Variants in ATP8A2 observed in about 807,000 individuals in gnomAD.
ATP8A2 encodes phospholipid-transporting ATPase IB.
Under a neutral mutation model 165.6 loss-of-function variants are expected in ATP8A2, and 100 were observed. That is an observed-to-expected ratio of 0.60 (90% CI 0.51 to 0.71). The LOEUF is 0.71. ATP8A2 is among the 30% of genes least tolerant of loss of function. The pLI is 0.00. For synonymous variants in ATP8A2, 543 were observed against 548.8 expected (o/e 0.99, Z 0.15); for missense variants, 1,227 against 1,479.5 (o/e 0.83, Z 2.80).
chr13:25,782,443 G>C (rs1198568650), intron 27 of ATP8A2, among the ~76,000 whole-genome samples: 1 of 152,182 alleles, frequency 6.6e-6, no homozygotes, highest in Non-Finnish European at 1.5e-5. Context: ...CAGGCAGAAT[G>C]CTGAGACTGA....
intron 25 of ATP8A2, among the ~76,000 whole-genome samples, chr13:25,731,297 A>AGAAAG (rs1555256723): frequency 1.3e-5 from 2 of 149,978 alleles, no homozygotes; most frequent in Admixed American, 6.6e-5. Context: ...AGAGAGAGAG[A>AGAAAG]AAGAAAGAAA....
At chr13:25,580,063 T>TAATGAACC (rs1262277099) in intron 22 of ATP8A2, 116 bp downstream of exon 22, 18 of 1,185,448 alleles carry the variant, frequency 1.5e-5, no homozygotes, top group Non-Finnish European at 2.1e-5. Context: ...TCTTGTGTCT[T>TAATGAACC]AATGAACCGT....
chr13:25,898,302 G>T (rs1035763864), intron 33 of ATP8A2, among the ~76,000 whole-genome samples: 7 of 152,206 alleles, frequency 4.6e-5, no homozygotes, highest in Non-Finnish European at 8.8e-5. Context: ...TCCAGACCCT[G>T]TTTGCCTACG....
intron 24 of ATP8A2, among the ~76,000 whole-genome samples, chr13:25,627,013 C>T (rs570642184): frequency 4.6e-5 from 7 of 152,142 alleles, no homozygotes; most frequent in Non-Finnish European, 7.4e-5. Flanking sequence ...TCCCACAACA[C>T]GTGGGAATTA....
intron 23 of ATP8A2, among the ~76,000 whole-genome samples, chr13:25,588,913 G>A (rs940457392): frequency 3.9e-5 from 6 of 152,052 alleles, no homozygotes; most frequent in Non-Finnish European, 7.4e-5. Flanking sequence ...CCTGAGAGGC[G>A]CTCGGCTTGG....
At chr13:26,015,627 A>C (rs1956952461) in intron 36 of ATP8A2, among the ~76,000 whole-genome samples, 1 of 152,196 alleles carries the variant, frequency 6.6e-6, no homozygotes, top group Admixed American at 6.5e-5. Flanking sequence ...GGATTTCACC[A>C]AATGTTCTAC....
intron 27 of ATP8A2, among the ~76,000 whole-genome samples, chr13:25,810,174 T>G (rs964433376): frequency 6.6e-6 from 1 of 152,242 alleles, no homozygotes; most frequent in African/African-American, 2.4e-5. Flanking sequence ...AAGCACTCTC[T>G]CTGAACGAGG....
chr13:25,563,050 A>G (rs1341359395), intron 15 of ATP8A2, among the ~76,000 whole-genome samples: 2 of 152,192 alleles, frequency 1.3e-5, no homozygotes, highest in Admixed American at 6.5e-5. Flanking sequence ...ACGTATTTCA[A>G]GTTAAGACTA....
At chr13:25,435,953 G>GTGTGTGTA (rs1491208527) in intron 1 of ATP8A2, among the ~76,000 whole-genome samples, 4 of 59,936 alleles carry the variant, frequency 6.7e-5, no homozygotes, top group African/African-American at 1.1e-4. Flanking sequence ...GTGTGTGTGA[G>GTGTGTGTA]TGTGTGTGTG....
At chr13:25,764,965 T>A (rs925223156) in intron 25 of ATP8A2, among the ~76,000 whole-genome samples, 2 of 152,176 alleles carry the variant, frequency 1.3e-5, no homozygotes, top group Non-Finnish European at 2.9e-5. Flanking sequence ...AAGATCAGAA[T>A]CAGAAACTCT....
At chr13:25,489,806 ATGT>A (rs1232421612) in intron 2 of ATP8A2, among the ~76,000 whole-genome samples, 1 of 152,178 alleles carries the variant, frequency 6.6e-6, no homozygotes, top group Non-Finnish European at 1.5e-5. Context: ...TGTAGTGTTG[ATGT>A]TGTACTTTCA....
rs1210209425 is a variant in ATP8A2, at chr13:25,953,148, T to C, written c.3184-8427T>C. On this transcript the variant is annotated intron_variant, in intron 33 of 36. Transcript: ENST00000381655. This position sits in a 1 kb window ranked among gnomAD's most constrained non-coding sequence, Gnocchi z 6.7. ...GTTGTCGATGCTGGGTGGGAATGGATTGGAAAAATTGTCCCCTCCTGTGTT... is the reference window on the plus strand; with the variant it reads ...GTTGTCGATGCTGGGTGGGAATGGACTGGAAAAATTGTCCCCTCCTGTGTT... Among the ~76,000 whole-genome samples, 2 of 152,106 alleles carry C rather than the reference T, an allele frequency of 1.3e-5. No individual in the cohort carries two copies. The highest frequency in any genetic ancestry group is 1.5e-5 in the Non-Finnish European group (1 of 68,022).
intron 24 of ATP8A2, among the ~76,000 whole-genome samples, chr13:25,670,275 C>A (rs2042237581): frequency 6.6e-6 from 1 of 152,162 alleles, no homozygotes; most frequent in Non-Finnish European, 1.5e-5. Flanking sequence ...AGTCCCACTG[C>A]ATAGAAATCT....
intron 33 of ATP8A2, among the ~76,000 whole-genome samples, chr13:25,877,827 A>G (rs1952857865): frequency 1.3e-5 from 2 of 152,352 alleles, no homozygotes; most frequent in South Asian, 4.1e-4. Flanking sequence ...CATGTCAAGG[A>G]AAGTAGCTGT....
At chr13:25,576,470 TAAG>T (rs1390574483) in intron 19 of ATP8A2, among the ~76,000 whole-genome samples, 2 of 151,762 alleles carry the variant, frequency 1.3e-5, no homozygotes, top group African/African-American at 2.4e-5. Flanking sequence ...CGGAGAGCAG[TAAG>T]AAGAATTCAT....
At chr13:25,377,602 C>T (rs1419247114) in intron 1 of ATP8A2, among the ~76,000 whole-genome samples, 1 of 152,092 alleles carries the variant, frequency 6.6e-6, no homozygotes, top group African/African-American at 2.4e-5. Context: ...GAGTTCAAGA[C>T]CAGCCTGGCC....
chr13:25,931,405 G>C (rs1954765969), intron 33 of ATP8A2, among the ~76,000 whole-genome samples: 1 of 152,138 alleles, frequency 6.6e-6, no homozygotes, highest in Non-Finnish European at 1.5e-5. Context: ...TTCAATTAAG[G>C]GATATTCAAC....
chr13:25,811,673 C>G (rs974132871), intron 27 of ATP8A2, among the ~76,000 whole-genome samples: 4 of 152,090 alleles, frequency 2.6e-5, no homozygotes, highest in African/African-American at 9.7e-5. Flanking sequence ...GAACATGATG[C>G]AACTCCATCT....
chr13:25,374,321 T>C (rs2032536711), intron 1 of ATP8A2, among the ~76,000 whole-genome samples: 1 of 152,110 alleles, frequency 6.6e-6, no homozygotes, highest in Admixed American at 6.5e-5. Flanking sequence ...GCTGTTAACA[T>C]ATCATTGTGG....
Sources: gnomAD v4.1 joint callset for allele counts (sites outside exome capture counted in the v4.1 genomes callset) on GRCh38, gnomAD v4.1.1 for gene constraint, Gnocchi (gnomAD v3.1) non-coding constraint, MANE v1.5 for transcripts, NCBI Gene and HGNC (gene_info 2026-07-23, HGNC 2026-07-21) for gene names.